The following SDK1 variants were observed in gnomAD, a reference collection of about 807,000 sequenced individuals.
SDK1 encodes the protein protein sidekick-1.
In SDK1, 157 loss-of-function variants were observed where a neutral mutation model predicts 245.5. The ratio of observed to expected loss-of-function variants is 0.64; its 90% CI spans 0.56 to 0.73. SDK1 has a LOEUF of 0.73. Ranked by LOEUF, SDK1 falls within the 30% of genes least tolerant of loss-of-function variation. The probability of loss-of-function intolerance (pLI) is 0.00; values close to 1 mark genes in which losing one functional copy is unlikely to be tolerated. For missense variants in SDK1, 3,583 were observed against 3,002.3 expected, an observed-to-expected ratio of 1.19 and a Z score of -4.52; for synonymous variants, 1,647 against 1,278.5, an observed-to-expected ratio of 1.29 and a Z score of -6.15.
intron 17 of SDK1, among the ~76,000 whole-genome samples, chr7:4,028,311 C>A (rs903819565): frequency 6.6e-6 from 1 of 152,176 alleles, no homozygotes; most frequent in Non-Finnish European, 1.5e-5. Flanking sequence ...TGAGCCCCAC[C>A]AGCTGTCATA....
chr7:3,358,488 C>A (rs1780868313), intron 1 of SDK1, among the ~76,000 whole-genome samples: 1 of 151,146 alleles, frequency 6.6e-6, no homozygotes, highest in African/African-American at 2.4e-5. Context: ...AGCTACTGCT[C>A]CTCGCAGAGC....
intron 1 of SDK1, among the ~76,000 whole-genome samples, chr7:3,364,996 A>T (rs1319934087): frequency 2.6e-5 from 4 of 152,202 alleles, no homozygotes; most frequent in Non-Finnish European, 5.9e-5. Context: ...GTAGCTTTAC[A>T]CTTAAGAACT....
intron 1 of SDK1, among the ~76,000 whole-genome samples, chr7:3,355,919 A>G (rs960267172): frequency 6.6e-6 from 1 of 152,142 alleles, no homozygotes; most frequent in Non-Finnish European, 1.5e-5. Context: ...TATTCTCTTC[A>G]AAGTTAAATC....
chr7:3,863,284 A>G (rs960819468), intron 5 of SDK1, among the ~76,000 whole-genome samples: 5 of 152,184 alleles, frequency 3.3e-5, no homozygotes, highest in Non-Finnish European at 7.3e-5. Flanking sequence ...TTGAATTATC[A>G]GAGACCTTTC....
intron 4 of SDK1, among the ~76,000 whole-genome samples, chr7:3,746,456 C>A (rs1028758721): frequency 1.3e-5 from 2 of 152,136 alleles, no homozygotes; most frequent in African/African-American, 4.8e-5. Flanking sequence ...AAAGATTTCT[C>A]TGTAATGTGC....
chr7:4,041,288 CTT>C (rs58871072), intron 17 of SDK1, among the ~76,000 whole-genome samples: 7 of 141,936 alleles, frequency 4.9e-5, no homozygotes, highest in East Asian at 2.0e-4. Context: ...TTTTGTTTTA[CTT>C]TTTTTTTTTT....
In SDK1 at chr7:4,266,692, C is replaced by T. The variant is rs1788491901; in HGVS notation, c.*1308C>T. 1 of 985,498 alleles carries T rather than the reference C, an allele frequency of 1.0e-6. No individual in the cohort carries two copies. The highest frequency in any genetic ancestry group is 1.1e-4 in the East Asian group (1 of 8,820). 61.0% of individuals were successfully genotyped at this position (985,498 alleles called of 1,614,324 possible). A position where few individuals can be genotyped will look rare whatever the true frequency, so the allele number is the denominator to read the frequency against. Reference sequence around the variant, plus strand: ...TGGCCATGCCTCCAGCCCCTCACGTCATCTTTGCAACAGACGACTGGGCTG... The same window carrying T: ...TGGCCATGCCTCCAGCCCCTCACGTTATCTTTGCAACAGACGACTGGGCTG... On this transcript the variant is annotated 3_prime_UTR_variant, in exon 45 of 45. Transcript: ENST00000404826.
chr7:3,715,566 C>T (rs1046173581), intron 4 of SDK1, among the ~76,000 whole-genome samples: 6 of 152,114 alleles, frequency 3.9e-5, no homozygotes, highest in African/African-American at 9.7e-5. Flanking sequence ...ATCCCCAGAC[C>T]CTACAGAACA....
At chr7:3,534,420 C>A (rs911538768) in intron 1 of SDK1, among the ~76,000 whole-genome samples, 6 of 152,134 alleles carry the variant, frequency 3.9e-5, no homozygotes, top group Non-Finnish European at 5.9e-5. Context: ...ATTGCTGGAT[C>A]ATATAGTAAT....
At chr7:3,448,285 A>T (rs1780408199) in intron 1 of SDK1, among the ~76,000 whole-genome samples, 2 of 152,016 alleles carry the variant, frequency 1.3e-5, no homozygotes, top group South Asian at 4.1e-4. Flanking sequence ...GCTTATGTTT[A>T]TTGGCCATTT....
intron 25 of SDK1, among the ~76,000 whole-genome samples, chr7:4,116,294 G>A (rs1783705334): frequency 6.6e-6 from 1 of 152,180 alleles, no homozygotes; most frequent in African/African-American, 2.4e-5. Context: ...TGCAATGGGT[G>A]CAGGTATTCC....
intron 22 of SDK1, among the ~76,000 whole-genome samples, chr7:4,081,685 TG>T (rs1169404464): frequency 2.0e-5 from 3 of 152,136 alleles, no homozygotes; most frequent in Non-Finnish European, 2.9e-5. Context: ...CCCAAATCGC[TG>T]GGATTACAGG....
chr7:3,991,623 T>A (rs538064217), intron 14 of SDK1, among the ~76,000 whole-genome samples: 20 of 152,332 alleles, frequency 1.3e-4, no homozygotes, highest in African/African-American at 4.6e-4. Context: ...GTCACCCATA[T>A]TAGCCTCTGG....
intron 1 of SDK1, among the ~76,000 whole-genome samples, chr7:3,382,504 A>G (rs187026909): frequency 1.3e-5 from 2 of 152,320 alleles, no homozygotes; most frequent in Non-Finnish European, 2.9e-5. Flanking sequence ...CACCTCAATC[A>G]TTGCCAAGGT....
chr7:4,141,787 C>T (rs932538512), intron 28 of SDK1, among the ~76,000 whole-genome samples: 8 of 152,212 alleles, frequency 5.3e-5, no homozygotes, highest in South Asian at 4.2e-4. Flanking sequence ...GACAGAGTCT[C>T]GCTCAGTCGC....
At chr7:4,003,429 G>T (rs1413664755) in intron 14 of SDK1, among the ~76,000 whole-genome samples, 3 of 152,190 alleles carry the variant, frequency 2.0e-5, no homozygotes, top group Non-Finnish European at 4.4e-5. Flanking sequence ...ACACCTTATT[G>T]TTCACTGCAG....
intron 1 of SDK1, among the ~76,000 whole-genome samples, chr7:3,567,755 G>C (rs1306205480): frequency 6.6e-6 from 1 of 152,042 alleles, no homozygotes; most frequent in African/African-American, 2.4e-5. Flanking sequence ...GCCTTTGATG[G>C]CTGCATAACA....
intron 14 of SDK1, among the ~76,000 whole-genome samples, chr7:3,998,121 GCT>G (rs1784815663): frequency 6.6e-6 from 1 of 152,214 alleles, no homozygotes; most frequent in Non-Finnish European, 1.5e-5. Context: ...CTTGGGCAGG[GCT>G]CCTGCCTGCT....
chr7:3,340,843 A>G (rs1371335231), intron 1 of SDK1, among the ~76,000 whole-genome samples: 1 of 152,128 alleles, frequency 6.6e-6, no homozygotes, highest in African/African-American at 2.4e-5. Flanking sequence ...TAAAGCCATT[A>G]AAGAAATTGA....
Sources: allele counts gnomAD v4.1 joint callset (sites outside exome capture counted in the v4.1 genomes callset), GRCh38; gene constraint gnomAD v4.1.1; transcripts MANE v1.5; gene names NCBI Gene and HGNC (gene_info 2026-07-23, HGNC 2026-07-21).